The following SMG6 variants were observed in gnomAD, a reference collection of about 807,000 sequenced individuals.
The protein encoded by SMG6 is SMG6 nonsense mediated mRNA decay factor, also known as telomerase-binding protein EST1A.
A neutral mutation model predicts 142.2 loss-of-function variants in SMG6; 66 were observed. That is an observed-to-expected ratio of 0.46 (90% CI 0.38 to 0.57). SMG6 has a LOEUF of 0.57. Among genes scored for constraint, SMG6 ranks in the 20% least tolerant of loss-of-function variants. SMG6 has a pLI of 0.00. For missense variants in SMG6, 1,793 were observed against 1,832.0 expected (o/e 0.98, Z 0.39); for synonymous variants, 779 against 702.4 (o/e 1.11, Z -1.72).
intron 8 of SMG6, among the ~76,000 whole-genome samples, chr17:2,258,875 C>T (rs1335412766): frequency 6.6e-6 from 1 of 151,444 alleles, no homozygotes; most frequent in East Asian, 1.9e-4. Flanking sequence ...GTCAGGAGTT[C>T]AAGACCAGCC....
intron 14 of SMG6, among the ~76,000 whole-genome samples, chr17:2,084,239 C>T (rs765247856): frequency 6.6e-5 from 10 of 152,240 alleles, no homozygotes; most frequent in Non-Finnish European, 1.2e-4. Context: ...GGCACTGCTC[C>T]ACCTGTGCTT....
chr17:2,295,915 C>G (rs1044804470), intron 4 of SMG6, among the ~76,000 whole-genome samples: 3 of 152,166 alleles, frequency 2.0e-5, no homozygotes, highest in Non-Finnish European at 4.4e-5. Context: ...TCCCTCACAC[C>G]AAATCAGTCA....
intron 7 of SMG6, among the ~76,000 whole-genome samples, chr17:2,283,422 C>A (rs755743224): frequency 2.6e-4 from 40 of 152,162 alleles, no homozygotes; most frequent in Non-Finnish European, 5.1e-4. Flanking sequence ...AGGGGCTGAC[C>A]AACTACCCAC....
intron 13 of SMG6, among the ~76,000 whole-genome samples, chr17:2,121,341 T>C (rs1447397522): frequency 6.6e-6 from 1 of 152,106 alleles, no homozygotes; most frequent in East Asian, 1.9e-4. Context: ...TATACTAATA[T>C]ATGTAACAAC....
At chr17:2,137,985 G>A (rs1165691465) in intron 13 of SMG6, among the ~76,000 whole-genome samples, 1 of 151,904 alleles carries the variant, frequency 6.6e-6, no homozygotes, top group African/African-American at 2.4e-5. Flanking sequence ...ATGGCGGTTG[G>A]AGAGTAGTAT....
chr17:2,125,829 T>C (rs571057067), intron 13 of SMG6, among the ~76,000 whole-genome samples: 4 of 152,028 alleles, frequency 2.6e-5, no homozygotes, highest in South Asian at 4.2e-4. Context: ...GGCGCATGCC[T>C]GTAATCCCAG....
At chr17:2,261,762 T>C (rs1224614361) in intron 8 of SMG6, among the ~76,000 whole-genome samples, 1 of 152,210 alleles carries the variant, frequency 6.6e-6, no homozygotes, top group Non-Finnish European at 1.5e-5. Flanking sequence ...AATTTAGGAA[T>C]GCAACCCATA....
At position 2,061,462 on chromosome 17, in the gene SMG6, C is replaced by T. The variant is rs1311525493; in HGVS notation, c.*30G>A. 3.4e-6 allele frequency: 5 copies of T among 1,457,890 alleles called. No homozygotes were observed. In the Admixed American group the frequency reaches 9.2e-5, roughly 27 times the overall value. 90.3% of individuals were successfully genotyped at this position (1,457,890 alleles called of 1,614,324 possible). A position where few individuals can be genotyped will look rare whatever the true frequency, so the allele number is the denominator to read the frequency against. ...GCCTGGTGGCCTTTCAGGAACGGTT[C>T]CACGGGGGGGGGGCCCCAGTGTGGC... On this transcript the variant is annotated 3_prime_UTR_variant, in exon 19 of 19. Coordinates refer to ENST00000263073, the MANE Select transcript of SMG6 (RefSeq NM_017575.5).
rs1254692822 is a variant in SMG6 at position 2,186,657 on chromosome 17, A to G, written c.3155+6T>C. The G allele has an allele frequency of 1.2e-6, 2 of 1,614,130 alleles. No individual in the cohort carries two copies. The highest frequency in any genetic ancestry group is 2.7e-5 in the African/African-American group (2 of 75,074). ...TGGTGCTGAAGCAATGGGCAGGTCAACTCACTGCGAGGGCAGATCCAGGGA... is the reference window on the plus strand; with the variant it reads ...TGGTGCTGAAGCAATGGGCAGGTCAGCTCACTGCGAGGGCAGATCCAGGGA... On this transcript the variant is annotated splice_donor_region_variant and intron_variant, in intron 12 of 18. Transcript: ENST00000263073.
intron 6 of SMG6, among the ~76,000 whole-genome samples, chr17:2,291,923 T>C (rs1034417061): frequency 4.6e-5 from 7 of 151,580 alleles, no homozygotes; most frequent in Non-Finnish European, 7.4e-5. Context: ...TTTCTTACGA[T>C]GGAACCTCTG....
In SMG6 at chr17:2,118,124, T is replaced by C. The variant is rs183343839; in HGVS notation, c.3358-32223A>G. 4.6e-5 allele frequency among the ~76,000 whole-genome samples: 7 copies of C among 152,252 alleles called. No individual in the cohort carries two copies. The East Asian group carries it at 1.4e-3, about 29-fold the overall frequency. On this transcript the variant is annotated intron_variant, in intron 13 of 18. Transcript: ENST00000263073. ...CAGGTGTGGTGGTGCTTGCTTATAG[T>C]TCCAGCTTCTTGGGAGGTTGAGGTG...
At chr17:2,264,354 C>A (rs776667701) in intron 8 of SMG6, among the ~76,000 whole-genome samples, 2 of 152,198 alleles carry the variant, frequency 1.3e-5, no homozygotes. Context: ...TGGCTTAAGT[C>A]GGGATATCAG....
chr17:2,140,005 C>T (rs1451670967), intron 13 of SMG6, among the ~76,000 whole-genome samples: 2 of 152,086 alleles, frequency 1.3e-5, no homozygotes, highest in Admixed American at 1.3e-4. Flanking sequence ...GGATTACAGG[C>T]GTGAGCCACC....
At position 2,295,074 on chromosome 17, in the gene SMG6, G is replaced by A. The variant is rs371087837; in HGVS notation, c.2152-2097C>T. 2.1e-4 allele frequency among the ~76,000 whole-genome samples: 32 copies of A among 152,070 alleles called. No individual in the cohort carries two copies. The East Asian group carries it at 3.9e-3, about 18-fold the overall frequency. On this transcript the variant is annotated intron_variant, in intron 4 of 18. Coordinates refer to ENST00000263073, the MANE Select transcript of SMG6 (RefSeq NM_017575.5). ...GTATTTTTAGTAGAGAGGGGGTTTC[G>A]CCATGTTGGGCCAGGCTGGTCTCAA...
intron 13 of SMG6, among the ~76,000 whole-genome samples, chr17:2,163,374 G>C (rs2071239566): frequency 6.7e-6 from 1 of 150,178 alleles, no homozygotes; most frequent in Non-Finnish European, 1.5e-5. Context: ...TTTTAGTAGA[G>C]ATGCTGTGTT....
intron 10 of SMG6, among the ~76,000 whole-genome samples, chr17:2,192,840 G>C (rs1316994446): frequency 6.6e-6 from 1 of 152,202 alleles, no homozygotes; most frequent in African/African-American, 2.4e-5. Flanking sequence ...GGAGGTAGAG[G>C]AAGCAGTCGC....
chr17:2,098,092 G>T (rs947748695), intron 13 of SMG6, among the ~76,000 whole-genome samples: 1 of 152,072 alleles, frequency 6.6e-6, no homozygotes, highest in African/African-American at 2.4e-5. Flanking sequence ...AGACTCAGGT[G>T]ATCCTTCCGC....
chr17:2,180,893 AAAG>A (rs2071785182), intron 12 of SMG6, among the ~76,000 whole-genome samples: 1 of 152,208 alleles, frequency 6.6e-6, no homozygotes, highest in Admixed American at 6.5e-5. Flanking sequence ...GTATCTTTGC[AAAG>A]AAGAAACTCA....
intron 8 of SMG6, among the ~76,000 whole-genome samples, chr17:2,261,925 A>G (rs2074324754): frequency 6.6e-6 from 1 of 152,228 alleles, no homozygotes; most frequent in Admixed American, 6.5e-5. Flanking sequence ...AGTCTAAAGG[A>G]AAACCTGCCA....
Sources: allele counts gnomAD v4.1 joint callset (sites outside exome capture counted in the v4.1 genomes callset), GRCh38; gene constraint gnomAD v4.1.1; transcripts MANE v1.5; gene names NCBI Gene and HGNC (gene_info 2026-07-23, HGNC 2026-07-21).